The following CERK variants were observed in gnomAD, a reference collection of about 807,000 sequenced individuals.
CERK encodes the protein acylsphingosine kinase.
A neutral mutation model predicts 63.4 loss-of-function variants in CERK; 39 were observed. That is an observed-to-expected ratio of 0.61 (90% CI 0.48 to 0.80). The LOEUF (loss-of-function observed/expected upper bound fraction) is 0.80. CERK is among the 30% of genes least tolerant of loss of function. The pLI is 0.00. For synonymous variants in CERK, 302 were observed against 280.0 expected, an observed-to-expected ratio of 1.08 and a Z score of -0.78; for missense variants, 670 against 714.1, an observed-to-expected ratio of 0.94 and a Z score of 0.70.
rs1395066479 is a variant in CERK, at chr22:46,719,246, C to T, written c.379+840G>A. Among the ~76,000 whole-genome samples the T allele has an allele frequency of 4.6e-5, 7 of 151,542 alleles. No individual in the cohort carries two copies. In the South Asian group the frequency reaches 8.3e-4, roughly 18 times the overall value. ...GCAGGTTTGTTATATAGGTAAAGTG[C>T]GTGTCATGGGGGTTTGGTGTACAGA... On this transcript the variant is annotated intron_variant, in intron 3 of 12. Coordinates refer to ENST00000216264, the MANE Select transcript of CERK (RefSeq NM_022766.6).
intron 5 of CERK, 34 bp from the exon 6 acceptor site, chr22:46,708,022 C>G (rs780152195): frequency 1.8e-4 from 282 of 1,572,852 alleles, no homozygotes; most frequent in Non-Finnish European, 2.4e-4. Context: ...AGGGCTCCTG[C>G]AGGTGCGGCC....
rs1569325157 is a variant in CERK at position 46,712,161 on chromosome 22, T to G, written c.505+7A>C. On this transcript the variant is annotated splice_region_variant and intron_variant, in intron 4 of 12. Transcript: ENST00000216264. ...TACTTCTACATAGTTAACATAGAAT[T>G]TGTTACCGATGATGTCAGTGGTGAT... 6.2e-7 allele frequency: 1 copy of G among 1,613,792 alleles called. No individual in the cohort carries two copies. Among genetic ancestry groups the G allele is most frequent in the East Asian group, 2.2e-5 (1 of 44,886 alleles).
At position 46,734,428 on chromosome 22, in the gene CERK, T is replaced by C. The variant is rs1366563611; in HGVS notation, c.142+3579A>G. 4.6e-5 allele frequency among the ~76,000 whole-genome samples: 7 copies of C among 152,130 alleles called. No homozygotes were observed. In the East Asian group the frequency reaches 1.2e-3, roughly 25 times the overall value. ...TGCACATGGCATGATTCCATTTACA[T>C]GAGATAAAGCAGCCGGGCACAAAGA... is the stretch of plus-strand genomic sequence containing the variant. On this transcript the variant is annotated intron_variant, in intron 1 of 12. Coordinates refer to ENST00000216264, the MANE Select transcript of CERK (RefSeq NM_022766.6).
chr22:46,717,641 C>T (rs1029847237), intron 3 of CERK, among the ~76,000 whole-genome samples: 3 of 152,230 alleles, frequency 2.0e-5, no homozygotes, highest in African/African-American at 7.2e-5. Context: ...GAAGTCGCAG[C>T]AGTGGTTCCC....
chr22:46,691,515 C>T lies in CERK; in HGVS notation c.1332+57G>A, dbSNP rs2082731363. Reference sequence around the variant, plus strand: ...ATTCCTACAACACATAAACCAGGGACTGCTGGAACATAAATTACTCGCCAG... The same window carrying T: ...ATTCCTACAACACATAAACCAGGGATTGCTGGAACATAAATTACTCGCCAG... On this transcript the variant is annotated intron_variant, in intron 11 of 12. Coordinates refer to ENST00000216264, the MANE Select transcript of CERK (RefSeq NM_022766.6). The T allele has an allele frequency of 5.7e-6, 8 of 1,413,978 alleles. No individual in the cohort carries two copies. The South Asian group carries it at 9.7e-5, about 17-fold the overall frequency. 87.6% of individuals were successfully genotyped at this position (1,413,978 alleles called of 1,614,324 possible).
chr22:46,724,753 C>T (rs1391550986), intron 1 of CERK, among the ~76,000 whole-genome samples: 1 of 152,212 alleles, frequency 6.6e-6, no homozygotes, highest in Non-Finnish European at 1.5e-5. Context: ...GGCGGGGTGG[C>T]TCACACCTGT....
At chr22:46,694,183 T>C (rs1209460519) in intron 9 of CERK, among the ~76,000 whole-genome samples, 1 of 152,104 alleles carries the variant, frequency 6.6e-6, no homozygotes, top group African/African-American at 2.4e-5. Context: ...AGGACGTGAG[T>C]GTCCTTCACA....
At chr22:46,718,104 A>T (rs577004374) in intron 3 of CERK, among the ~76,000 whole-genome samples, 1 of 151,284 alleles carries the variant, frequency 6.6e-6, no homozygotes, top group African/African-American at 2.4e-5. Context: ...AAAGAAAAAA[A>T]CCCACTAAAA....
chr22:46,691,721 T>C lies in CERK; in HGVS notation c.1183A>G (p.Asn395Asp). The C allele has an allele frequency of 6.2e-7, 1 of 1,613,530 alleles. No individual in the cohort carries two copies. The part of the protein sequence containing the change: ...CGKFLAINAT[N>D]MSCACRRSPR... ...CTCCGGCGACAAGCACAGGACATGT[T>C]TGTGGCATTGATGGCCAGAAACTTC... The change falls in exon 11 of 13, where the codon AAC becomes GAC. Residue 395 changes from asparagine to aspartate, a missense_variant. Asn to Asp is a conservative substitution (Grantham distance 23, BLOSUM62 1). Coordinates refer to ENST00000216264, the MANE Select transcript of CERK (RefSeq NM_022766.6).
At position 46,720,218 on chromosome 22, in the gene CERK, A is replaced by G. The variant is rs1459509259; in HGVS notation, c.257-10T>C. On this transcript the variant is annotated splice_polypyrimidine_tract_variant and intron_variant, in intron 2 of 12. Coordinates refer to ENST00000216264, the MANE Select transcript of CERK (RefSeq NM_022766.6). Reference sequence around the variant, plus strand: ...CTCTTTACACAGTGAACTGCACAGAAGCAAGCATGCTCGTTAGTGCAAAGT... The same window carrying G: ...CTCTTTACACAGTGAACTGCACAGAGGCAAGCATGCTCGTTAGTGCAAAGT... The G allele has an allele frequency of 1.2e-6, 2 of 1,607,306 alleles. No homozygotes were observed. The highest frequency in any genetic ancestry group is 2.7e-5 in the African/African-American group (2 of 74,770).
intron 12 of CERK, among the ~76,000 whole-genome samples, chr22:46,689,531 C>T (rs1407908754): frequency 6.6e-6 from 1 of 152,088 alleles, no homozygotes; most frequent in Non-Finnish European, 1.5e-5. Flanking sequence ...CCATCACACC[C>T]GACTAATTTT....
At chr22:46,729,092 G>A (rs2082933565) in intron 1 of CERK, among the ~76,000 whole-genome samples, 1 of 152,210 alleles carries the variant, frequency 6.6e-6, no homozygotes, top group Admixed American at 6.5e-5. Context: ...GCTGGGTCTG[G>A]TGTCTCATGC....
At chr22:46,689,156 C>T (rs374296389) in intron 12 of CERK, among the ~76,000 whole-genome samples, 36 of 152,354 alleles carry the variant, frequency 2.4e-4, no homozygotes, top group East Asian at 7.7e-4. Context: ...TGCCTCCCCG[C>T]GTCCCCTAGG....
At chr22:46,700,817 G>A (rs1296444920) in intron 7 of CERK, among the ~76,000 whole-genome samples, 1 of 152,114 alleles carries the variant, frequency 6.6e-6, no homozygotes, top group African/African-American at 2.4e-5. Flanking sequence ...TTCGAGACCA[G>A]CCTGACCAAT....
At position 46,700,439 on chromosome 22, in the gene CERK, A is replaced by T. The variant is rs191207374; in HGVS notation, c.791-974T>A. ...AGAATAAAATAAAATGCAAAATCAG[A>T]AGTAGGCCGGGCACAGTGGCTCACG... On this transcript the variant is annotated intron_variant, in intron 7 of 12. Transcript: ENST00000216264. Among the ~76,000 whole-genome samples, 3 of 152,230 alleles carry T rather than the reference A, an allele frequency of 2.0e-5. No homozygotes were observed. In the East Asian group the frequency reaches 5.8e-4, roughly 29 times the overall value.
chr22:46,714,849 A>G lies in CERK; in HGVS notation c.380-2556T>C, dbSNP rs1045266477. Among the ~76,000 whole-genome samples the G allele has an allele frequency of 5.3e-5, 8 of 152,206 alleles. No individual in the cohort carries two copies. The highest frequency in any genetic ancestry group is 1.0e-4 in the Non-Finnish European group (7 of 68,036). On this transcript the variant is annotated intron_variant, in intron 3 of 12. Coordinates refer to ENST00000216264, the MANE Select transcript of CERK (RefSeq NM_022766.6). The surrounding 1 kb of genome is among the most constrained non-coding windows in gnomAD (Gnocchi z 4.4). ...ATTCAGACATCCCTCCCCTGAACCT[A>G]CGTGCAAAAATCCTAAACACAATAT...
At chr22:46,710,177 C>A (rs1601719297) in intron 5 of CERK, among the ~76,000 whole-genome samples, 1 of 152,180 alleles carries the variant, frequency 6.6e-6, no homozygotes, top group South Asian at 2.1e-4. Flanking sequence ...GCCTGTAATC[C>A]CAGCACTTTG....
At chr22:46,725,523 G>A (rs1274064278) in intron 1 of CERK, among the ~76,000 whole-genome samples, 2 of 152,234 alleles carry the variant, frequency 1.3e-5, no homozygotes, top group Admixed American at 6.5e-5. Flanking sequence ...GCATCCGCGG[G>A]AGAAAACACA....
At chr22:46,729,793 A>G (rs2082936558) in intron 1 of CERK, among the ~76,000 whole-genome samples, 1 of 152,110 alleles carries the variant, frequency 6.6e-6, no homozygotes, top group South Asian at 2.1e-4. Context: ...TAATCCCAGC[A>G]TTTTGGGAGG....
Sources: allele counts gnomAD v4.1 joint callset (sites outside exome capture counted in the v4.1 genomes callset), GRCh38; gene constraint gnomAD v4.1.1; non-coding constraint Gnocchi (gnomAD v3.1); transcripts MANE v1.5; gene names NCBI Gene and HGNC (gene_info 2026-07-23, HGNC 2026-07-21).